LPP: variants seen among roughly 807,000 people sequenced by gnomAD.
LPP encodes lipoma-preferred partner.
Under a neutral mutation model 60.4 loss-of-function variants are expected in LPP, and 38 were observed. That is an observed-to-expected ratio of 0.63 (90% CI 0.49 to 0.83). The LOEUF is 0.83. Among genes scored for constraint, LPP ranks in the 40% least tolerant of loss-of-function variants. The pLI is 0.00. For missense variants in LPP, 902 were observed against 783.6 expected (o/e 1.15, Z -1.80); for synonymous variants, 328 against 290.8 (o/e 1.13, Z -1.30).
chr3:188,635,171 C>T (rs1462007421), intron 7 of LPP, among the ~76,000 whole-genome samples: 1 of 152,156 alleles, frequency 6.6e-6, no homozygotes, highest in African/African-American at 2.4e-5. Flanking sequence ...ATATTAATCT[C>T]ATAGACATTT....
At chr3:188,430,085 A>G (rs1278306486) in intron 4 of LPP, among the ~76,000 whole-genome samples, 2 of 152,238 alleles carry the variant, frequency 1.3e-5, no homozygotes, top group Non-Finnish European at 2.9e-5. Context: ...TAGATTAACC[A>G]GATTGATTAG....
intron 2 of LPP, among the ~76,000 whole-genome samples, chr3:188,277,495 C>G (rs1740400881): frequency 6.6e-6 from 1 of 152,102 alleles, no homozygotes; most frequent in South Asian, 2.1e-4. Context: ...TCCGGAAAGT[C>G]TCATGACTCT....
chr3:188,872,541 G>T lies in LPP; in HGVS notation c.1590-102G>T, dbSNP rs1768383234. On this transcript the variant is annotated intron_variant, in intron 10 of 11. Coordinates refer to ENST00000617246, the MANE Select transcript of LPP (RefSeq NM_001375462.1). ...ACTCCCTCACCTTACGGATGAGGAA[G>T]CAGGTATACCGACTCTCAGTTTCCA... The T allele has an allele frequency of 2.4e-6, 3 of 1,265,194 alleles. No individual in the cohort carries two copies. In the Admixed American group the frequency reaches 5.3e-5, roughly 22 times the overall value. 78.4% of individuals were successfully genotyped at this position (1,265,194 alleles called of 1,614,324 possible).
chr3:188,776,200 AGGAAAGGCCATGCCCCATCCTACAGTGG>A (rs1737715990), intron 9 of LPP, among the ~76,000 whole-genome samples: 2 of 152,224 alleles, frequency 1.3e-5, no homozygotes, highest in South Asian at 4.1e-4. Context: ...GAGAGCTCAG[AGGAAAGGCCATGCCCCATCCTACAGTGG>A]GGAGAGGAGG....
intron 8 of LPP, among the ~76,000 whole-genome samples, chr3:188,756,884 A>G (rs1730441871): frequency 1.3e-5 from 2 of 152,234 alleles, no homozygotes; most frequent in African/African-American, 4.8e-5. Context: ...GTAGAAGATC[A>G]TTCCTTAGGA....
chr3:188,192,233 G>C (rs1222610298), intron 1 of LPP, among the ~76,000 whole-genome samples: 1 of 152,146 alleles, frequency 6.6e-6, no homozygotes, highest in African/African-American at 2.4e-5. Context: ...TGCTTGAGTT[G>C]GGTTTTGTAA....
At chr3:188,403,071 A>G (rs1216449308) in intron 3 of LPP, among the ~76,000 whole-genome samples, 4 of 152,156 alleles carry the variant, frequency 2.6e-5, no homozygotes, top group South Asian at 2.1e-4. Context: ...AAGAGAAGAT[A>G]CTGAGGAGGA....
At chr3:188,802,418 A>T (rs575586890) in intron 9 of LPP, among the ~76,000 whole-genome samples, 1 of 152,310 alleles carries the variant, frequency 6.6e-6, no homozygotes, top group East Asian at 1.9e-4. Flanking sequence ...TTCTTTATAT[A>T]TAAAGAACTG....
intron 9 of LPP, among the ~76,000 whole-genome samples, chr3:188,848,557 C>A (rs1038073331): frequency 2.0e-5 from 3 of 152,242 alleles, no homozygotes; most frequent in African/African-American, 7.2e-5. Flanking sequence ...GCATGCCATT[C>A]TGTCTTAGAA....
intron 8 of LPP, among the ~76,000 whole-genome samples, chr3:188,752,507 T>G (rs2150338370): frequency 6.6e-6 from 1 of 152,302 alleles, no homozygotes; most frequent in African/African-American, 2.4e-5. Flanking sequence ...AACAGGGTTG[T>G]TTTTTGTTTT....
At chr3:188,529,722 C>G (rs1406165848) in intron 6 of LPP, among the ~76,000 whole-genome samples, 3 of 152,148 alleles carry the variant, frequency 2.0e-5, no homozygotes, top group Admixed American at 6.5e-5. Context: ...TTGATTCATT[C>G]ACCTAACATT....
intron 3 of LPP, among the ~76,000 whole-genome samples, chr3:188,402,833 A>G (rs1004218700): frequency 7.2e-5 from 11 of 152,242 alleles, no homozygotes; most frequent in African/African-American, 2.4e-4. Flanking sequence ...AGAGCCTAGA[A>G]AAAGGAATTA....
chr3:188,800,248 T>TTC (rs1322034192), intron 9 of LPP, among the ~76,000 whole-genome samples: 6 of 138,242 alleles, frequency 4.3e-5, no homozygotes, highest in Non-Finnish European at 7.8e-5. Context: ...GAAGCTTTCT[T>TTC]TTTTTTTTTT....
At chr3:188,416,371 A>G (rs1477242345) in intron 4 of LPP, among the ~76,000 whole-genome samples, 1 of 152,198 alleles carries the variant, frequency 6.6e-6, no homozygotes, top group Non-Finnish European at 1.5e-5. Flanking sequence ...CAGAATCAAA[A>G]TATCTGGCCA....
intron 4 of LPP, among the ~76,000 whole-genome samples, chr3:188,448,617 G>GACA (rs1795884010): frequency 6.6e-6 from 1 of 152,104 alleles, no homozygotes; most frequent in South Asian, 2.1e-4. Context: ...GTTTTGCCTA[G>GACA]GACGTTCAGT....
intron 9 of LPP, among the ~76,000 whole-genome samples, chr3:188,802,737 T>C (rs185732647): frequency 5.9e-5 from 9 of 152,062 alleles, no homozygotes; most frequent in African/African-American, 2.2e-4. Flanking sequence ...TGAGCTGAGA[T>C]TGCACCACCG....
chr3:188,310,644 T>C (rs1753114276), intron 2 of LPP, among the ~76,000 whole-genome samples: 2 of 152,286 alleles, frequency 1.3e-5, no homozygotes, highest in Admixed American at 6.5e-5. Context: ...CTGTGAAATA[T>C]GTGAGTTGAA....
intron 9 of LPP, among the ~76,000 whole-genome samples, chr3:188,797,307 T>C (rs1033519447): frequency 1.3e-5 from 2 of 152,172 alleles, no homozygotes; most frequent in Non-Finnish European, 2.9e-5. Context: ...TTCCTAAGTC[T>C]GTTACTTCAT....
intron 8 of LPP, among the ~76,000 whole-genome samples, chr3:188,739,764 A>G (rs1723770975): frequency 6.6e-6 from 1 of 152,066 alleles, no homozygotes. Context: ...AATTGTCTGT[A>G]GTTGCAGTCT....
Sources: allele counts gnomAD v4.1 joint callset (sites outside exome capture counted in the v4.1 genomes callset), GRCh38; gene constraint gnomAD v4.1.1; transcripts MANE v1.5; gene names NCBI Gene and HGNC (gene_info 2026-07-23, HGNC 2026-07-21).